The following DDX6 variants were observed in gnomAD, a reference collection of about 807,000 sequenced individuals.
DDX6 encodes probable ATP-dependent RNA helicase DDX6.
In DDX6, 7 loss-of-function variants were observed where a neutral mutation model predicts 60.6. The ratio of observed to expected loss-of-function variants is 0.12; its 90% CI spans 0.07 to 0.22. DDX6 has a LOEUF of 0.22. DDX6 is among the 10% of genes least tolerant of loss of function. The pLI is 1.00. For missense variants in DDX6, 270 were observed against 589.9 expected (o/e 0.46, Z 5.62); for synonymous variants, 207 against 201.0 (o/e 1.03, Z -0.25).
chr11:118,757,509 A>T (rs540672205), intron 9 of DDX6, among the ~76,000 whole-genome samples: 1 of 152,200 alleles, frequency 6.6e-6, no homozygotes, highest in Non-Finnish European at 1.5e-5. Context: ...TAAGGGCCAC[A>T]TAACTGTCAA....
intron 7 of DDX6, among the ~76,000 whole-genome samples, chr11:118,762,306 C>A (rs6589691): frequency 1 from 143,824 of 144,040 alleles, 71,804 homozygotes; most frequent in East Asian, 1. Flanking sequence ...TAATAATAAA[C>A]CTCAACCCAA....
At chr11:118,756,386 T>C in intron 10 of DDX6, 63 bp from the exon 11 acceptor site, 1 of 1,318,334 alleles carries the variant, frequency 7.6e-7, no homozygotes, top group Non-Finnish European at 1.1e-6. Context: ...TTTCCCATAA[T>C]TATTTCTCCC....
intron 7 of DDX6, among the ~76,000 whole-genome samples, chr11:118,762,330 C>T (rs1861203905): frequency 9.7e-6 from 1 of 103,056 alleles, no homozygotes; most frequent in Non-Finnish European, 1.9e-5. Context: ...TGAAAATAAC[C>T]TCATGTCAAA....
intron 3 of DDX6, among the ~76,000 whole-genome samples, chr11:118,780,838 T>C (rs946318025): frequency 2.0e-5 from 3 of 152,154 alleles, no homozygotes; most frequent in Non-Finnish European, 4.4e-5. Context: ...TTCCCCCCTA[T>C]TGATGATAAG....
chr11:118,756,008 C>T (rs1555158758), intron 11 of DDX6, among the ~76,000 whole-genome samples: 1 of 87,346 alleles, frequency 1.1e-5, no homozygotes, highest in Non-Finnish European at 2.2e-5. Context: ...ACAAAGATTC[C>T]ATCCCCCTCC....
intron 4 of DDX6, among the ~76,000 whole-genome samples, chr11:118,770,085 G>A (rs782068351): frequency 6.6e-6 from 1 of 151,492 alleles, no homozygotes; most frequent in Admixed American, 6.6e-5. Context: ...GGAGTACAAT[G>A]GTGCGATCTT....
At position 118,786,470 on chromosome 11, in the gene DDX6, A is replaced by G. The variant is rs892085139; in HGVS notation, c.-219T>C. On this transcript the variant is annotated 5_prime_UTR_variant, in exon 2 of 14. Transcript: ENST00000534980. Reference sequence around the variant, plus strand: ...GCACGGAATCAACTTTTTATTTTTAAAAAGCCCTCTAACAAGCTTGAGTTA... The same window carrying G: ...GCACGGAATCAACTTTTTATTTTTAGAAAGCCCTCTAACAAGCTTGAGTTA... 8.1e-6 allele frequency: 3 copies of G among 370,898 alleles called. No individual in the cohort carries two copies. The highest frequency in any genetic ancestry group is 6.2e-5 in the African/African-American group (3 of 48,224). The allele number at this position is 370,898 out of a possible 1,614,324, so 23.0% of individuals were successfully genotyped here. A position where few individuals can be genotyped will look rare whatever the true frequency, so the allele number is the denominator to read the frequency against.
rs201991168 is a variant in DDX6, at chr11:118,755,354, G to A, written c.1276+48C>T. On this transcript the variant is annotated intron_variant, in intron 12 of 13. Transcript: ENST00000534980. Reference sequence around the variant, plus strand: ...AAAGAACAAAATTTAGTCATTACACGCCTCAAAAAAGAACTTCTACCAAGA... The same window carrying A: ...AAAGAACAAAATTTAGTCATTACACACCTCAAAAAAGAACTTCTACCAAGA... 2.3e-5 allele frequency: 26 copies of A among 1,139,700 alleles called. No individual in the cohort carries two copies. In the East Asian group the frequency reaches 3.7e-4, roughly 16 times the overall value. 70.6% of individuals were successfully genotyped at this position (1,139,700 alleles called of 1,614,324 possible).
chr11:118,766,573 T>C (rs1861361339), intron 5 of DDX6, among the ~76,000 whole-genome samples: 2 of 152,164 alleles, frequency 1.3e-5, no homozygotes, highest in African/African-American at 4.8e-5. Flanking sequence ...TCAGCAATAC[T>C]ATTATATAAA....
Position 118,768,490 on chromosome 11 carries a change from T to C in DDX6, c.370-138A>G, listed in dbSNP as rs1028925793. 6.1e-5 allele frequency: 51 copies of C among 833,588 alleles called. No homozygotes were observed. The East Asian group carries it at 1.3e-3, about 22-fold the overall frequency. The allele number at this position is 833,588 out of a possible 1,614,324, so 51.6% of individuals were successfully genotyped here. ...ATCCTACATTTGAATTCTACATGAA[T>C]AGCAGAGATCCAAGTAAATCAGCAC... On this transcript the variant is annotated intron_variant, in intron 4 of 13. Coordinates refer to ENST00000534980, the MANE Select transcript of DDX6 (RefSeq NM_004397.6).
intron 12 of DDX6, among the ~76,000 whole-genome samples, 170 bp downstream of exon 12, chr11:118,755,229 TTAA>T (rs1341063662): frequency 2.0e-5 from 3 of 152,250 alleles, no homozygotes; most frequent in Non-Finnish European, 4.4e-5. Context: ...TTAACTTTTC[TTAA>T]TAAATGCTAC....
chr11:118,784,497 T>C (rs1172691370), intron 2 of DDX6, among the ~76,000 whole-genome samples: 2 of 151,944 alleles, frequency 1.3e-5, no homozygotes, highest in African/African-American at 4.8e-5. Context: ...ATTTCTCTGT[T>C]GCCCAGGCTG....
At chr11:118,754,261 T>C (rs1449043662) in intron 13 of DDX6, among the ~76,000 whole-genome samples, 3 of 152,132 alleles carry the variant, frequency 2.0e-5, no homozygotes, top group African/African-American at 4.8e-5. Context: ...AAGACCTTGT[T>C]TCTACCAAAA....
chr11:118,765,391 G>T, intron 5 of DDX6, 36 bp from the exon 6 acceptor site: 1 of 1,607,536 alleles, frequency 6.2e-7, no homozygotes, highest in Non-Finnish European at 8.5e-7. Flanking sequence ...AGAAAATATG[G>T]GGTGAGGTGG....
At chr11:118,758,670 C>A in intron 9 of DDX6, 104 bp downstream of exon 9, 1 of 1,400,666 alleles carries the variant, frequency 7.1e-7, no homozygotes, top group Non-Finnish European at 9.6e-7. Context: ...AAGCCAGAAA[C>A]ACTACGAACT....
rs1411893013 is a variant in DDX6, at chr11:118,749,222, T to TAG, written c.*2881_*2882dup. On this transcript the variant is annotated 3_prime_UTR_variant, in exon 14 of 14. Transcript: ENST00000534980. ...TTGGATGTAGTTTTAATATTAAAAATAGAGGGTAGTTCTCATCCAAATGAG... is the reference window on the plus strand; with the variant it reads ...TTGGATGTAGTTTTAATATTAAAAATAGAGAGGGTAGTTCTCATCCAAATGAG... 3 of 151,898 alleles carry TAG rather than the reference T, an allele frequency of 2.0e-5. No individual in the cohort carries two copies. The highest frequency in any genetic ancestry group is 1.3e-4 in the Admixed American group (2 of 15,248). 9.4% of individuals were successfully genotyped at this position (151,898 alleles called of 1,614,324 possible).
chr11:118,772,937 G>A (rs1220259595), intron 4 of DDX6, among the ~76,000 whole-genome samples: 1 of 152,158 alleles, frequency 6.6e-6, no homozygotes, highest in African/African-American at 2.4e-5. Flanking sequence ...GCGGAATGTT[G>A]CCTCCTAAGA....
At position 118,751,981 on chromosome 11, in the gene DDX6, GCT is replaced by G. The variant is rs1860790141; in HGVS notation, c.*122_*123del. On this transcript the variant is annotated 3_prime_UTR_variant, in exon 14 of 14. Coordinates refer to ENST00000534980, the MANE Select transcript of DDX6 (RefSeq NM_004397.6). ...CCAGTTAAAAAAAGAAAATGTCTGA[GCT>G]CTTTTAAGTCTTCATAGTTCCAAAA... 2.6e-6 allele frequency: 1 copy of G among 380,086 alleles called. No homozygotes were observed. The highest frequency in any genetic ancestry group is 2.0e-5 in the South Asian group (1 of 49,108). 23.5% of individuals were successfully genotyped at this position (380,086 alleles called of 1,614,324 possible).
chr11:118,771,998 C>CTTAATA (rs1158797002), intron 4 of DDX6, among the ~76,000 whole-genome samples: 2 of 149,706 alleles, frequency 1.3e-5, no homozygotes, highest in Admixed American at 1.4e-4. Context: ...CAGCATTATC[C>CTTAATA]TTAATAGCCA....
Sources: gnomAD v4.1 joint callset for allele counts (sites outside exome capture counted in the v4.1 genomes callset) on GRCh38, gnomAD v4.1.1 for gene constraint, MANE v1.5 for transcripts, NCBI Gene and HGNC (gene_info 2026-07-23, HGNC 2026-07-21) for gene names.